The following TLE7 variants were observed in gnomAD, a reference collection of about 807,000 sequenced individuals.
TLE7 encodes the protein TLE family member 7.
chr16:71,430,149 C>A lies in TLE7; in HGVS notation c.*113G>T, dbSNP rs1269826109. On this transcript the variant is annotated 3_prime_UTR_variant, in exon 10 of 10. Transcript: ENST00000561754. ...TACTGGAGGGGAGGGATGACCCAAG[C>A]TAAGGCAGAGGAGATGGCAGGTGTT... 1 of 397,022 alleles carries A rather than the reference C, an allele frequency of 2.5e-6. No individual in the cohort carries two copies. Among genetic ancestry groups the A allele is most frequent in the Admixed American group, 4.4e-5 (1 of 22,702 alleles). The allele number at this position is 397,022 out of a possible 1,614,324, so 24.6% of individuals were successfully genotyped here.
Position 71,433,119 on chromosome 16 carries a change from G to A in TLE7, c.206C>T (p.Thr69Met), listed in dbSNP as rs1455682814. 2.8e-5 allele frequency: 11 copies of A among 398,660 alleles called. No individual in the cohort carries two copies. The highest frequency in any genetic ancestry group is 1.3e-4 in the South Asian group (1 of 7,864). The allele number at this position is 398,660 out of a possible 1,614,324, so 24.7% of individuals were successfully genotyped here. The part of the protein sequence containing the change: ...QHSPADQETS[T>M]VTQQQWHLQG... ...GAGGTGCCACTGCTGCTGGGTCACC[G>A]TGCTTGTCTCTTGATCAGCAGGGCT... Residue 69 changes from threonine (T) to methionine (M), a missense_variant, in exon 2 of 10, where the codon ACG (threonine) becomes ATG (methionine). Transcript: ENST00000561754.
At chr16:71,435,759 T>C (rs1048742090) in intron 1 of TLE7, among the ~76,000 whole-genome samples, 1 of 152,186 alleles carries the variant, frequency 6.6e-6, no homozygotes, top group Non-Finnish European at 1.5e-5. Flanking sequence ...CAAATGTTGA[T>C]CCTCCTGATT....
At chr16:71,437,480 A>AAGAGAAGAGT (rs1334053058) in intron 1 of TLE7, among the ~76,000 whole-genome samples, 1 of 151,772 alleles carries the variant, frequency 6.6e-6, no homozygotes, top group African/African-American at 2.4e-5. Context: ...AAGAGAAGAG[A>AAGAGAAGAGT]AGAGAAAGAA....
At chr16:71,435,856 G>A (rs2042824298) in intron 1 of TLE7, among the ~76,000 whole-genome samples, 1 of 152,184 alleles carries the variant, frequency 6.6e-6, no homozygotes, top group South Asian at 2.1e-4. Flanking sequence ...CTTGGAGCAT[G>A]GAAACTCCCA....
intron 1 of TLE7, among the ~76,000 whole-genome samples, chr16:71,437,908 AGAAC>A (rs953999409): frequency 6.6e-6 from 1 of 152,160 alleles, no homozygotes; most frequent in African/African-American, 2.4e-5. Context: ...CCTTGTCCCC[AGAAC>A]GTCTGTGGCT....
intron 5 of TLE7, 42 bp downstream of exon 5, chr16:71,432,067 GC>G (rs371190012): frequency 7.5e-6 from 3 of 400,974 alleles, no homozygotes. Context: ...CACGTCAGAG[GC>G]CCTGTCAGAG....
In TLE7 at chr16:71,430,437, T is replaced by G. The variant is rs1158715917; in HGVS notation, c.1222-71A>C. The G allele has an allele frequency of 1.3e-5, 5 of 398,636 alleles. No individual in the cohort carries two copies. In the East Asian group the frequency reaches 1.8e-4, roughly 14 times the overall value. 24.7% of individuals were successfully genotyped at this position (398,636 alleles called of 1,614,324 possible). A position where few individuals can be genotyped will look rare whatever the true frequency, so the allele number is the denominator to read the frequency against. ...ACATGAAGGCTTCATTTAGGGCTGT[T>G]TCAAGGCTCAGTGTAGACCTAAGGC... On this transcript the variant is annotated intron_variant, in intron 9 of 9. Coordinates refer to ENST00000561754, the MANE Select transcript of TLE7 (RefSeq NM_001367365.2).
At chr16:71,435,745 A>T (rs1432694746) in intron 1 of TLE7, among the ~76,000 whole-genome samples, 1 of 152,140 alleles carries the variant, frequency 6.6e-6, no homozygotes, top group African/African-American at 2.4e-5. Context: ...TTCTCATCTC[A>T]CCCCAAATGT....
chr16:71,441,566 G>A (rs2042848513), intron 1 of TLE7, among the ~76,000 whole-genome samples: 1 of 152,246 alleles, frequency 6.6e-6, no homozygotes, highest in Non-Finnish European at 1.5e-5. Flanking sequence ...CCAGGGCCTG[G>A]CTCTTGGATT....
chr16:71,431,079 C>A lies in TLE7; in HGVS notation c.1147+42G>T. 2.5e-6 allele frequency: 1 copy of A among 400,668 alleles called. No homozygotes were observed. The highest frequency in any genetic ancestry group is 1.3e-4 in the South Asian group (1 of 7,844). 24.8% of individuals were successfully genotyped at this position (400,668 alleles called of 1,614,324 possible). ...GAGAAAGAAGAGACGACAGCAAGTT[C>A]AAAATCGGACACCCAGAGGTGTCAC... On this transcript the variant is annotated intron_variant, in intron 8 of 9. Transcript: ENST00000561754. The surrounding 1 kb of genome is among the most constrained non-coding windows in gnomAD (Gnocchi z 4.5).
At position 71,441,980 on chromosome 16, in the gene TLE7, C is replaced by A. The variant is rs2042850803; in HGVS notation, c.-108G>T. ...GAACAGCCCCTTACCGTGGCGGGGG[C>A]GCTGAGGTCCCTCGGGGCAACCAGA... is the stretch of plus-strand genomic sequence containing the variant. On this transcript the variant is annotated 5_prime_UTR_variant, in exon 1 of 10. Transcript: ENST00000561754. The A allele has an allele frequency of 6.6e-6, 1 of 152,238 alleles. No homozygotes were observed. The highest frequency in any genetic ancestry group is 6.5e-5 in the Admixed American group (1 of 15,290). 9.4% of individuals were successfully genotyped at this position (152,238 alleles called of 1,614,324 possible). A position where few individuals can be genotyped will look rare whatever the true frequency, so the allele number is the denominator to read the frequency against.
intron 1 of TLE7, among the ~76,000 whole-genome samples, chr16:71,434,621 T>C (rs774982031): frequency 7.9e-5 from 12 of 152,184 alleles, no homozygotes; most frequent in Non-Finnish European, 1.6e-4. Context: ...GGCCCTGAAC[T>C]AAATGCTTTA....
rs2042841592 is a variant in TLE7 at position 71,440,172 on chromosome 16, G to C, written c.-97+1797C>G. 2.0e-5 allele frequency among the ~76,000 whole-genome samples: 3 copies of C among 152,238 alleles called. No homozygotes were observed. The South Asian group carries it at 6.2e-4, about 31-fold the overall frequency. ...GGCCAGTCCTTAGAGACAGAAAGCA[G>C]GTTAGTGGTTGCCAGGGACTGGCAA... On this transcript the variant is annotated intron_variant, in intron 1 of 9. Transcript: ENST00000561754.
In TLE7 at chr16:71,431,090, A is replaced by G. The variant is rs1596984211; in HGVS notation, c.1147+31T>C. The G allele has an allele frequency of 2.7e-5, 11 of 400,670 alleles. No individual in the cohort carries two copies. The East Asian group carries it at 3.6e-4, about 13-fold the overall frequency. The allele number at this position is 400,670 out of a possible 1,614,324, so 24.8% of individuals were successfully genotyped here. A position where few individuals can be genotyped will look rare whatever the true frequency, so the allele number is the denominator to read the frequency against. On this transcript the variant is annotated intron_variant, in intron 8 of 9. Transcript: ENST00000561754. This position sits in a 1 kb window ranked among gnomAD's most constrained non-coding sequence, Gnocchi z 4.5. ...GACGACAGCAAGTTCAAAATCGGAC[A>G]CCCAGAGGTGTCACCTGGCTTCTCA...
chr16:71,435,678 T>C lies in TLE7; in HGVS notation c.-96-2258A>G, dbSNP rs189045464. On this transcript the variant is annotated intron_variant, in intron 1 of 9. Transcript: ENST00000561754. Reference sequence around the variant, plus strand: ...TTTGTCACTGCATAACTCAGTACCTTTTCTGCATATTTCTGGACATTCAAA... The same window carrying C: ...TTTGTCACTGCATAACTCAGTACCTCTTCTGCATATTTCTGGACATTCAAA... 3.9e-5 allele frequency among the ~76,000 whole-genome samples: 6 copies of C among 152,340 alleles called. No individual in the cohort carries two copies. The East Asian group carries it at 1.2e-3, about 29-fold the overall frequency.
In TLE7 at chr16:71,440,560, A is replaced by G. The variant is rs564756701; in HGVS notation, c.-97+1409T>C. Among the ~76,000 whole-genome samples, 4 of 152,378 alleles carry G rather than the reference A, an allele frequency of 2.6e-5. No homozygotes were observed. In the South Asian group the frequency reaches 8.3e-4, roughly 32 times the overall value. ...AAGACCCAAAACCAGACATGGGGTC[A>G]TGAGTTAGGGGTCCTGCAAATCCCA... On this transcript the variant is annotated intron_variant, in intron 1 of 9. Coordinates refer to ENST00000561754, the MANE Select transcript of TLE7 (RefSeq NM_001367365.2).
intron 1 of TLE7, among the ~76,000 whole-genome samples, chr16:71,437,817 G>A (rs2042832187): frequency 6.6e-6 from 1 of 152,126 alleles, no homozygotes; most frequent in African/African-American, 2.4e-5. Flanking sequence ...GCTACTTACA[G>A]AGGAATCTTT....
chr16:71,434,148 AATGATG>A, intron 1 of TLE7, among the ~76,000 whole-genome samples: 1 of 152,182 alleles, frequency 6.6e-6, no homozygotes, highest in Admixed American at 6.5e-5. Context: ...AAGGCTATCT[AATGATG>A]AAGTTGGCTT....
intron 1 of TLE7, among the ~76,000 whole-genome samples, chr16:71,441,380 G>A (rs1179682697): frequency 6.6e-6 from 1 of 152,226 alleles, no homozygotes; most frequent in Non-Finnish European, 1.5e-5. Flanking sequence ...CCACCGCGTT[G>A]CAATGGCTGC....
Sources: allele counts gnomAD v4.1 joint callset (sites outside exome capture counted in the v4.1 genomes callset), GRCh38; gene constraint gnomAD v4.1.1; non-coding constraint Gnocchi (gnomAD v3.1); transcripts MANE v1.5; gene names NCBI Gene and HGNC (gene_info 2026-07-23, HGNC 2026-07-21).